The following RBFOX1 variants were observed in gnomAD, a reference collection of about 807,000 sequenced individuals.
RBFOX1 encodes the protein RNA binding fox-1 homolog 1.
In RBFOX1, 8 loss-of-function variants were observed where a neutral mutation model predicts 57.7. That is an observed-to-expected ratio of 0.14 (90% confidence interval 0.08 to 0.25). The LOEUF (loss-of-function observed/expected upper bound fraction) is 0.25, where lower values mean the gene tolerates loss of function less well. Among genes scored for constraint, RBFOX1 ranks in the 10% least tolerant of loss-of-function variants. The pLI, the probability that RBFOX1 is intolerant of heterozygous loss-of-function variation, is 1.00. For missense variants in RBFOX1, 611 were observed against 548.5 expected (o/e 1.11, Z -1.14); for synonymous variants, 326 against 222.4 (o/e 1.47, Z -4.15).
chr16:6,664,931 C>T (rs925889024), intron 3 of RBFOX1, among the ~76,000 whole-genome samples: 1 of 152,178 alleles, frequency 6.6e-6, no homozygotes, highest in Non-Finnish European at 1.5e-5. Context: ...GTCTATAAAA[C>T]AGGGACAGAC....
intron 2 of RBFOX1, among the ~76,000 whole-genome samples, chr16:5,476,414 C>T (rs772431983): frequency 6.6e-6 from 1 of 152,128 alleles, no homozygotes; most frequent in African/African-American, 2.4e-5. Context: ...GCAAGATTCT[C>T]CATTACTCTA....
intron 3 of RBFOX1, among the ~76,000 whole-genome samples, chr16:6,848,074 C>G (rs559817115): frequency 6.6e-6 from 1 of 152,052 alleles, no homozygotes; most frequent in East Asian, 1.9e-4. Flanking sequence ...TCAAGTGATC[C>G]ACCCACCTTG....
chr16:7,177,871 A>G (rs924651202), intron 4 of RBFOX1, among the ~76,000 whole-genome samples: 16 of 152,170 alleles, frequency 1.1e-4, no homozygotes, highest in Non-Finnish European at 2.1e-4. Flanking sequence ...AGCAGACAGG[A>G]TTTGGCCTGT....
chr16:6,425,076 A>G (rs2093886120), intron 2 of RBFOX1, among the ~76,000 whole-genome samples: 1 of 152,216 alleles, frequency 6.6e-6, no homozygotes, highest in African/African-American at 2.4e-5. Flanking sequence ...ATTTCCACAA[A>G]TAATTTATTT....
At chr16:6,276,783 C>T (rs1309966403) in intron 1 of RBFOX1, among the ~76,000 whole-genome samples, 1 of 151,394 alleles carries the variant, frequency 6.6e-6, no homozygotes, top group Non-Finnish European at 1.5e-5. Flanking sequence ...TGTTTCCCCA[C>T]GTGTATTACA....
chr16:6,582,857 C>G (rs1214455028), intron 2 of RBFOX1, among the ~76,000 whole-genome samples: 2 of 149,730 alleles, frequency 1.3e-5, no homozygotes, highest in Non-Finnish European at 3.0e-5. Context: ...TCAACAGAAA[C>G]AACTGAGCTA....
intron 4 of RBFOX1, among the ~76,000 whole-genome samples, chr16:7,224,878 G>A (rs931962850): frequency 4.6e-5 from 7 of 152,116 alleles, no homozygotes; most frequent in African/African-American, 7.2e-5. Context: ...ACTTTACCAC[G>A]ACTTCCAGGT....
intron 14 of RBFOX1, among the ~76,000 whole-genome samples, chr16:7,678,531 A>C (rs556220574): frequency 6.6e-6 from 1 of 152,302 alleles, no homozygotes; most frequent in African/African-American, 2.4e-5. Context: ...AATTATAATC[A>C]TAGTAACTCT....
chr16:6,903,808 A>C (rs376432386), intron 3 of RBFOX1, among the ~76,000 whole-genome samples: 6 of 152,166 alleles, frequency 3.9e-5, no homozygotes, highest in Admixed American at 6.5e-5. Context: ...AGAGGAGGGA[A>C]GCAATTGCAT....
At chr16:7,276,536 G>A (rs992309331) in intron 4 of RBFOX1, among the ~76,000 whole-genome samples, 5 of 152,030 alleles carry the variant, frequency 3.3e-5, no homozygotes, top group African/African-American at 1.2e-4. Context: ...CTAAGTAGGA[G>A]GCTTCTATCC....
intron 1 of RBFOX1, among the ~76,000 whole-genome samples, chr16:6,295,409 C>G (rs2077991058): frequency 6.6e-6 from 1 of 152,170 alleles, no homozygotes; most frequent in Non-Finnish European, 1.5e-5. Flanking sequence ...CAGGCATAAG[C>G]CACCGTGCCT....
chr16:6,098,770 A>G (rs1189413017), intron 1 of RBFOX1, among the ~76,000 whole-genome samples: 4 of 152,188 alleles, frequency 2.6e-5, no homozygotes, highest in Admixed American at 1.3e-4. Context: ...TTTTACTAAC[A>G]AGTTCCTCAG....
intron 3 of RBFOX1, among the ~76,000 whole-genome samples, chr16:5,736,058 C>T (rs1001044950): frequency 2.0e-5 from 3 of 152,132 alleles, no homozygotes; most frequent in South Asian, 2.1e-4. Flanking sequence ...CCTTAGAGTT[C>T]ACAGGGGGAT....
At chr16:5,346,495 C>CA (rs1567365075) in intron 1 of RBFOX1, among the ~76,000 whole-genome samples, 3 of 152,128 alleles carry the variant, frequency 2.0e-5, no homozygotes, top group African/African-American at 7.2e-5. Context: ...GGGTGCTTTG[C>CA]GGAGAGAGAG....
chr16:7,145,076 A>G (rs1230491262), intron 4 of RBFOX1, among the ~76,000 whole-genome samples: 4 of 152,162 alleles, frequency 2.6e-5, no homozygotes, highest in Non-Finnish European at 4.4e-5. Flanking sequence ...TTTGGTACCA[A>G]TCCTAGCTTG....
intron 1 of RBFOX1, among the ~76,000 whole-genome samples, chr16:6,214,191 C>T (rs1452011037): frequency 1.3e-5 from 2 of 152,232 alleles, no homozygotes; most frequent in African/African-American, 4.8e-5. Flanking sequence ...CCACTGTCTC[C>T]ATCTCTCTCA....
chr16:6,879,193 C>G (rs1055769544), intron 3 of RBFOX1, among the ~76,000 whole-genome samples: 2 of 152,072 alleles, frequency 1.3e-5, no homozygotes, highest in African/African-American at 4.8e-5. Flanking sequence ...AATAAGTTGT[C>G]CAGTAATATG....
chr16:6,575,955 T>C (rs1332678240), intron 2 of RBFOX1, among the ~76,000 whole-genome samples: 1 of 152,024 alleles, frequency 6.6e-6, no homozygotes, highest in Non-Finnish European at 1.5e-5. Context: ...GTGATGGTGG[T>C]GGTAGGCATG....
intron 2 of RBFOX1, among the ~76,000 whole-genome samples, chr16:6,569,746 T>C (rs1224695454): frequency 1.3e-5 from 2 of 152,160 alleles, no homozygotes; most frequent in African/African-American, 2.4e-5. Context: ...CTTCATTCTC[T>C]AGAGAAAACC....
Sources: allele counts gnomAD v4.1 joint callset (sites outside exome capture counted in the v4.1 genomes callset), GRCh38; gene constraint gnomAD v4.1.1; transcripts MANE v1.5; gene names NCBI Gene and HGNC (gene_info 2026-07-23, HGNC 2026-07-21).